The following GRID1 variants were observed in gnomAD, a reference collection of about 807,000 sequenced individuals.
GRID1 encodes glutamate ionotropic receptor delta type subunit 1, also known as glutamate receptor ionotropic, delta-1.
Under a neutral mutation model 98.0 loss-of-function variants are expected in GRID1, and 28 were observed. The ratio of observed to expected loss-of-function variants is 0.29; its 90% CI spans 0.21 to 0.39. The LOEUF (loss-of-function observed/expected upper bound fraction) is 0.39. GRID1 is among the 10% of genes least tolerant of loss of function. The pLI, the probability that GRID1 is intolerant of heterozygous loss-of-function variation, is 1.00. For missense variants in GRID1, 1,111 were observed against 1,340.5 expected, an observed-to-expected ratio of 0.83 and a Z score of 2.67; for synonymous variants, 553 against 538.5, an observed-to-expected ratio of 1.03 and a Z score of -0.37.
chr10:85,619,968 A>T lies in GRID1; in HGVS notation c.2259T>A (p.Asp753Glu), dbSNP rs1427690363. 2.5e-6 allele frequency: 4 copies of T among 1,614,030 alleles called. No homozygotes were observed. The highest frequency in any genetic ancestry group is 2.2e-5 in the East Asian group (1 of 44,862). ...CGATGACAGTCACCGAGCAGTCGTC[A>T]TCCGTCAGGGCTGCGTATTCCACCA... ...VAVVEYAALTDDDCSVTVIGN... is the reference protein window; with the variant it reads ...VAVVEYAALTEDDCSVTVIGN... The change falls in exon 14 of 16, where the codon GAT (aspartate) becomes GAA (glutamate). Residue 753 changes from aspartate (D) to glutamate (E), a missense_variant. This residue lies in a region of GRID1 where 762 missense variants were observed against 869.1 expected (regional missense o/e 0.88). Coordinates refer to ENST00000327946, the MANE Select transcript of GRID1 (RefSeq NM_017551.3).
chr10:85,911,505 C>T (rs12254291), intron 5 of GRID1, among the ~76,000 whole-genome samples: 1 of 152,130 alleles, frequency 6.6e-6, no homozygotes, highest in African/African-American at 2.4e-5. Context: ...GAAGTCACCT[C>T]CTCCTGGCCG....
chr10:86,097,500 CATCT>C (rs1241959522), intron 4 of GRID1, among the ~76,000 whole-genome samples: 5 of 152,064 alleles, frequency 3.3e-5, no homozygotes, highest in Non-Finnish European at 5.9e-5. Context: ...TCTGTCTATC[CATCT>C]ATCTGTCTAC....
chr10:85,968,383 G>A lies in GRID1; in HGVS notation c.727-52144C>T, dbSNP rs190480321. Among the ~76,000 whole-genome samples, 444 of 150,826 alleles carry A rather than the reference G, an allele frequency of 2.9e-3. 7 individuals are homozygous for A. Among genetic ancestry groups the A allele is most frequent in the African/African-American group, 0.01 (426 of 41,012 alleles). ...GGAGAATGGCATGAACCCGGGAGGCGGAGCTGGCTGTGAGCCGGGATCGCG... is the reference window on the plus strand; with the variant it reads ...GGAGAATGGCATGAACCCGGGAGGCAGAGCTGGCTGTGAGCCGGGATCGCG... On this transcript the variant is annotated intron_variant, in intron 4 of 15. Coordinates refer to ENST00000327946, the MANE Select transcript of GRID1 (RefSeq NM_017551.3).
chr10:85,884,306 G>A (rs1259083871), intron 5 of GRID1, among the ~76,000 whole-genome samples: 1 of 152,042 alleles, frequency 6.6e-6, no homozygotes, highest in Non-Finnish European at 1.5e-5. Context: ...TCATGACCCT[G>A]GTCTTTTTCT....
intron 2 of GRID1, among the ~76,000 whole-genome samples, chr10:86,273,203 A>G (rs924135623): frequency 6.6e-6 from 1 of 151,068 alleles, no homozygotes; most frequent in Non-Finnish European, 1.5e-5. Context: ...GAGAATGATG[A>G]TTTCCAATTT....
chr10:86,247,465 G>C (rs548059905), intron 2 of GRID1, among the ~76,000 whole-genome samples: 1 of 152,092 alleles, frequency 6.6e-6, no homozygotes, highest in Non-Finnish European at 1.5e-5. Context: ...GAGTATAAAA[G>C]GATTGACAGA....
At chr10:85,670,708 T>C (rs1159321956) in intron 12 of GRID1, among the ~76,000 whole-genome samples, 1 of 152,060 alleles carries the variant, frequency 6.6e-6, no homozygotes, top group African/African-American at 2.4e-5. Flanking sequence ...GGGTCCTCCA[T>C]CTTGCTGGGT....
intron 4 of GRID1, among the ~76,000 whole-genome samples, chr10:86,115,989 C>A (rs1042978562): frequency 2.0e-5 from 3 of 152,172 alleles, no homozygotes; most frequent in Non-Finnish European, 4.4e-5. Flanking sequence ...GGCACAGTCC[C>A]ATGCTATGCA....
intron 8 of GRID1, among the ~76,000 whole-genome samples, chr10:85,851,128 C>A (rs920476751): frequency 5.3e-5 from 8 of 151,998 alleles, no homozygotes; most frequent in African/African-American, 1.9e-4. Flanking sequence ...GAAACAAAGC[C>A]AAGTAGAAAT....
At chr10:86,295,478 T>A (rs1018228356) in intron 2 of GRID1, among the ~76,000 whole-genome samples, 3 of 152,102 alleles carry the variant, frequency 2.0e-5, no homozygotes, top group Non-Finnish European at 4.4e-5. Context: ...AGCATCGCCA[T>A]CCACTGCCAC....
chr10:85,691,962 T>C (rs74961114), intron 12 of GRID1, among the ~76,000 whole-genome samples: 2,889 of 152,152 alleles, frequency 0.019, 23 homozygotes, highest in Non-Finnish European at 0.03. Context: ...ACTGTCACTG[T>C]AGCCCTCTCG....
At chr10:86,142,964 G>A (rs1482015367) in intron 3 of GRID1, among the ~76,000 whole-genome samples, 1 of 152,240 alleles carries the variant, frequency 6.6e-6, no homozygotes, top group Non-Finnish European at 1.5e-5. Flanking sequence ...CAAACGGGAG[G>A]ACATAAGCCC....
intron 13 of GRID1, among the ~76,000 whole-genome samples, chr10:85,631,312 G>A (rs1172408089): frequency 1.3e-5 from 2 of 152,140 alleles, no homozygotes; most frequent in Non-Finnish European, 2.9e-5. Flanking sequence ...GCCACATTGA[G>A]CCCCCTGACC....
chr10:85,639,907 T>C (rs572475219), intron 13 of GRID1, among the ~76,000 whole-genome samples: 2 of 152,324 alleles, frequency 1.3e-5, no homozygotes, highest in Admixed American at 6.5e-5. Flanking sequence ...TTTTCTAACA[T>C]ATAGTAGATG....
chr10:85,949,188 A>G (rs1169186897), intron 4 of GRID1, among the ~76,000 whole-genome samples: 1 of 152,178 alleles, frequency 6.6e-6, no homozygotes, highest in African/African-American at 2.4e-5. Flanking sequence ...TTACATTTTT[A>G]TAACAACAAT....
At chr10:86,363,473 G>C (rs1041033052) in intron 2 of GRID1, among the ~76,000 whole-genome samples, 7 of 152,224 alleles carry the variant, frequency 4.6e-5, no homozygotes, top group Non-Finnish European at 7.4e-5. Flanking sequence ...GGTTATGCCC[G>C]GGAGAAGGAG....
intron 12 of GRID1, among the ~76,000 whole-genome samples, chr10:85,693,110 G>A (rs1841352241): frequency 6.6e-6 from 1 of 152,148 alleles, no homozygotes; most frequent in Non-Finnish European, 1.5e-5. Context: ...AGGTAAGTCA[G>A]GAGGTTGGTA....
intron 4 of GRID1, among the ~76,000 whole-genome samples, chr10:85,927,920 C>T (rs186217537): frequency 2.0e-4 from 31 of 152,266 alleles, no homozygotes; most frequent in East Asian, 1.9e-3. Context: ...GCAATGAGGA[C>T]GACAGCAGGG....
At chr10:85,767,708 T>C (rs1842211365) in intron 8 of GRID1, among the ~76,000 whole-genome samples, 1 of 152,236 alleles carries the variant, frequency 6.6e-6, no homozygotes, top group South Asian at 2.1e-4. Flanking sequence ...GCTTGACAGC[T>C]GGCAATTTCC....
Sources: allele counts gnomAD v4.1 joint callset (sites outside exome capture counted in the v4.1 genomes callset), GRCh38; gene constraint gnomAD v4.1.1; regional missense constraint gnomAD v4.1.1; transcripts MANE v1.5; gene names NCBI Gene and HGNC (gene_info 2026-07-23, HGNC 2026-07-21).